CDK14: variants seen among roughly 807,000 people sequenced by gnomAD.
CDK14 encodes cyclin dependent kinase 14.
A neutral mutation model predicts 60.7 loss-of-function variants in CDK14; 34 were observed. The observed-to-expected ratio is 0.56, with a 90% confidence interval of 0.43 to 0.75. The LOEUF (loss-of-function observed/expected upper bound fraction) is 0.75. CDK14 is among the 30% of genes least tolerant of loss of function. The pLI, the probability that CDK14 is intolerant of heterozygous loss-of-function variation, is 0.00. For missense variants in CDK14, 482 were observed against 564.1 expected, an observed-to-expected ratio of 0.85 and a Z score of 1.47; for synonymous variants, 197 against 203.7, an observed-to-expected ratio of 0.97 and a Z score of 0.28.
chr7:90,642,640 A>G (rs1477737374), intron 2 of CDK14, among the ~76,000 whole-genome samples: 1 of 152,188 alleles, frequency 6.6e-6, no homozygotes, highest in African/African-American at 2.4e-5. Flanking sequence ...TTGGCCTCCC[A>G]AAGTGCTGGG....
chr7:91,088,594 GTTA>G (rs1390739057), intron 12 of CDK14, among the ~76,000 whole-genome samples: 5 of 138,096 alleles, frequency 3.6e-5, no homozygotes, highest in Admixed American at 7.4e-5. Context: ...TGTGTGTGTG[GTTA>G]TTATTACTCA....
At chr7:90,682,708 A>G (rs939439338) in intron 2 of CDK14, among the ~76,000 whole-genome samples, 1 of 152,242 alleles carries the variant, frequency 6.6e-6, no homozygotes, top group Non-Finnish European at 1.5e-5. Context: ...AACCAAGTGT[A>G]GAATCATGCA....
intron 4 of CDK14, among the ~76,000 whole-genome samples, chr7:90,788,099 GAT>G (rs1446524669): frequency 6.6e-6 from 1 of 152,124 alleles, no homozygotes. Context: ...CACAATACGT[GAT>G]ATATAAAAGT....
intron 2 of CDK14, among the ~76,000 whole-genome samples, chr7:90,694,809 A>T (rs1801622874): frequency 1.3e-5 from 2 of 152,234 alleles, no homozygotes; most frequent in Non-Finnish European, 2.9e-5. Context: ...ATTTCATGGG[A>T]AAATGGATCA....
chr7:90,817,030 A>T (rs995568716), intron 5 of CDK14, among the ~76,000 whole-genome samples: 9 of 152,188 alleles, frequency 5.9e-5, no homozygotes, highest in Non-Finnish European at 2.9e-5. Context: ...CACAGATTAT[A>T]TCTGATCTTG....
intron 4 of CDK14, among the ~76,000 whole-genome samples, chr7:90,782,731 T>G (rs962471191): frequency 3.9e-5 from 6 of 152,164 alleles, no homozygotes; most frequent in Non-Finnish European, 7.4e-5. Context: ...AAAGGCTGTC[T>G]TATAGAGGAA....
intron 14 of CDK14, among the ~76,000 whole-genome samples, chr7:91,204,770 G>GA (rs1345076708): frequency 1.3e-5 from 2 of 152,132 alleles, no homozygotes; most frequent in Admixed American, 1.3e-4. Flanking sequence ...ACAACATGGT[G>GA]AACCCCTGTC....
intron 11 of CDK14, among the ~76,000 whole-genome samples, chr7:91,059,238 A>C (rs986611649): frequency 2.4e-4 from 37 of 152,114 alleles, no homozygotes; most frequent in Non-Finnish European, 4.6e-4. Context: ...TTTCTGTGGG[A>C]TCGGTGGTGA....
At chr7:90,915,693 C>T (rs925158477) in intron 7 of CDK14, among the ~76,000 whole-genome samples, 1 of 152,184 alleles carries the variant, frequency 6.6e-6, no homozygotes, top group Admixed American at 6.5e-5. Flanking sequence ...TGGTTAAGAG[C>T]ATAGAATTTG....
Position 91,209,393 on chromosome 7 carries a change from G to GTCTCTCTC in CDK14, c.*2263_*2270dup, listed in dbSNP as rs71733271. 1 of 149,278 alleles carries GTCTCTCTC rather than the reference G, an allele frequency of 6.7e-6. No homozygotes were observed. The highest frequency in any genetic ancestry group is 2.0e-4 in the East Asian group (1 of 4,986). The allele number at this position is 149,278 out of a possible 1,614,324, so 9.2% of individuals were successfully genotyped here. A position where few individuals can be genotyped will look rare whatever the true frequency, so the allele number is the denominator to read the frequency against. Reference sequence around the variant, plus strand: ...CCATACAGGAAATCCAAAGTTTGGTGTCTCTCTCTCTCTGTCTCTTTCTTT... The same window carrying GTCTCTCTC: ...CCATACAGGAAATCCAAAGTTTGGTGTCTCTCTCTCTCTCTCTCTCTGTCTCTTTCTTT... On this transcript the variant is annotated 3_prime_UTR_variant, in exon 15 of 15. Coordinates refer to ENST00000380050, the MANE Select transcript of CDK14 (RefSeq NM_001287135.2).
chr7:90,681,474 T>G (rs1460893264), intron 2 of CDK14, among the ~76,000 whole-genome samples: 3 of 152,146 alleles, frequency 2.0e-5, no homozygotes, highest in Non-Finnish European at 1.5e-5. Context: ...TTACATTCTC[T>G]CTGAGAACAT....
At chr7:91,002,235 G>C (rs1795858158) in intron 10 of CDK14, among the ~76,000 whole-genome samples, 1 of 152,030 alleles carries the variant, frequency 6.6e-6, no homozygotes, top group African/African-American at 2.4e-5. Flanking sequence ...AGAAAGTACA[G>C]GACTCCAAGG....
intron 14 of CDK14, among the ~76,000 whole-genome samples, chr7:91,134,763 G>A (rs1350066640): frequency 6.6e-6 from 1 of 151,890 alleles, no homozygotes; most frequent in Non-Finnish European, 1.5e-5. Flanking sequence ...TAATCCCAGT[G>A]ACTCGGGAGG....
rs536182319 is a variant in CDK14 at position 90,661,587 on chromosome 7, C to T, written c.123+57338C>T. Among the ~76,000 whole-genome samples, 4 of 152,284 alleles carry T rather than the reference C, an allele frequency of 2.6e-5. No individual in the cohort carries two copies. In the East Asian group the frequency reaches 7.7e-4, roughly 29 times the overall value. On this transcript the variant is annotated intron_variant, in intron 2 of 14. Coordinates refer to ENST00000380050, the MANE Select transcript of CDK14 (RefSeq NM_001287135.2). ...TGCCTTCTGTGTCTGGTGGCATTAA[C>T]CCAAATTCTCAGTGTTATCATCAAG...
intron 10 of CDK14, among the ~76,000 whole-genome samples, chr7:91,025,399 C>T (rs916331383): frequency 6.6e-6 from 1 of 152,012 alleles, no homozygotes; most frequent in Non-Finnish European, 1.5e-5. Context: ...CTAGCTATTC[C>T]ATTCAAGCAG....
chr7:90,742,022 G>A (rs1440341720), intron 3 of CDK14, among the ~76,000 whole-genome samples: 1 of 151,930 alleles, frequency 6.6e-6, no homozygotes, highest in Non-Finnish European at 1.5e-5. Context: ...TATTATTCTT[G>A]TAGTACATTT....
At position 91,090,586 on chromosome 7, in the gene CDK14, A is replaced by G. The variant is rs1026493339; in HGVS notation, c.1154+11106A>G. On this transcript the variant is annotated intron_variant, in intron 12 of 14. Transcript: ENST00000380050. ...AGCTTGAAGCAAGTGTTTTACCATA[A>G]TGTGTTGTGAGGTGAATTAGGATTT... is the stretch of plus-strand genomic sequence containing the variant. 2.0e-5 allele frequency among the ~76,000 whole-genome samples: 3 copies of G among 152,144 alleles called. No individual in the cohort carries two copies. In the South Asian group the frequency reaches 6.2e-4, roughly 32 times the overall value.
chr7:90,984,582 G>A (rs958326727), intron 10 of CDK14, among the ~76,000 whole-genome samples: 7 of 152,116 alleles, frequency 4.6e-5, no homozygotes, highest in Non-Finnish European at 7.4e-5. Context: ...TAACTCCCCC[G>A]TCCCCCTTGA....
chr7:90,914,237 T>A (rs1462181904), intron 7 of CDK14, among the ~76,000 whole-genome samples: 2 of 152,150 alleles, frequency 1.3e-5, no homozygotes, highest in African/African-American at 4.8e-5. Flanking sequence ...TGAATTCTGT[T>A]TTCAGAGTGA....
Sources: gnomAD v4.1 joint callset for allele counts (sites outside exome capture counted in the v4.1 genomes callset) on GRCh38, gnomAD v4.1.1 for gene constraint, MANE v1.5 for transcripts, NCBI Gene and HGNC (gene_info 2026-07-23, HGNC 2026-07-21) for gene names.